Variants in VDAC1 observed in about 807,000 individuals in gnomAD.
VDAC1 encodes the protein voltage dependent anion channel 1.
Under a neutral mutation model 34.7 loss-of-function variants are expected in VDAC1, and 10 were observed. The observed-to-expected ratio is 0.29, with a 90% CI of 0.18 to 0.49. The LOEUF (loss-of-function observed/expected upper bound fraction) is 0.49, where lower values mean the gene tolerates loss of function less well. Among genes scored for constraint, VDAC1 ranks in the 20% least tolerant of loss-of-function variants. The pLI, the probability that VDAC1 is intolerant of heterozygous loss-of-function variation, is 0.99. For missense variants in VDAC1, 230 were observed against 347.9 expected (o/e 0.66, Z 2.69); for synonymous variants, 130 against 136.0 (o/e 0.96, Z 0.30).
chr5:133,987,551 G>A (rs551862713), intron 5 of VDAC1, among the ~76,000 whole-genome samples: 48 of 151,534 alleles, frequency 3.2e-4, no homozygotes, highest in African/African-American at 1.1e-3. Flanking sequence ...GGTGGCACAC[G>A]CCTGTGGTCC....
chr5:134,103,276 C>A, the VDAC1 span, among the ~76,000 whole-genome samples: 1 of 152,146 alleles, frequency 6.6e-6, no homozygotes, highest in Non-Finnish European at 1.5e-5. Context: ...CATGTACCAT[C>A]ACACCTGGCT....
chr5:134,108,243 C>A, the VDAC1 span, among the ~76,000 whole-genome samples: 1 of 152,000 alleles, frequency 6.6e-6, no homozygotes, highest in Non-Finnish European at 1.5e-5. Context: ...TCCCAACCCC[C>A]ACCCTGGGAG....
the VDAC1 span, among the ~76,000 whole-genome samples, chr5:134,010,414 A>G: frequency 1.3e-5 from 2 of 152,118 alleles, no homozygotes; most frequent in Admixed American, 6.5e-5. Flanking sequence ...CCTGGTCAAC[A>G]TGATGAAACC....
At chr5:134,044,153 C>A in the VDAC1 span, among the ~76,000 whole-genome samples, 1 of 152,144 alleles carries the variant, frequency 6.6e-6, no homozygotes, top group Admixed American at 6.5e-5. Context: ...GAGTTTACAC[C>A]CCCTCATTTC....
At chr5:134,014,080 A>C in the VDAC1 span, among the ~76,000 whole-genome samples, 11 of 152,156 alleles carry the variant, frequency 7.2e-5, no homozygotes, top group African/African-American at 2.4e-5. Context: ...ACCTGAGGTC[A>C]GGAGTTTGAG....
chr5:134,001,951 A>G (rs941251528), intron 1 of VDAC1, among the ~76,000 whole-genome samples: 4 of 152,058 alleles, frequency 2.6e-5, no homozygotes, highest in African/African-American at 4.8e-5. Flanking sequence ...CCACTGGTCA[A>G]CTTTTCTCAG....
the VDAC1 span, among the ~76,000 whole-genome samples, chr5:134,102,022 C>A: frequency 1.3e-5 from 2 of 152,366 alleles, no homozygotes; most frequent in African/African-American, 4.8e-5. Flanking sequence ...GACTGCATGC[C>A]CATCCTCCAC....
the VDAC1 span, among the ~76,000 whole-genome samples, chr5:134,075,633 G>A: frequency 3.3e-5 from 5 of 152,232 alleles, no homozygotes; most frequent in Admixed American, 1.3e-4. Flanking sequence ...GCCCAGGCTC[G>A]AGTGCAGTGG....
chr5:134,065,045 T>C, the VDAC1 span, among the ~76,000 whole-genome samples: 128 of 152,254 alleles, frequency 8.4e-4, no homozygotes, highest in African/African-American at 3.0e-3. Flanking sequence ...ATTTCCTTTT[T>C]TACTACTTTC....
the VDAC1 span, among the ~76,000 whole-genome samples, chr5:134,098,060 G>T: frequency 7.3e-5 from 11 of 151,600 alleles, no homozygotes; most frequent in Non-Finnish European, 1.3e-4. Context: ...AGTAGAGAAC[G>T]GGGTTTGACC....
At chr5:134,086,526 G>C in the VDAC1 span, among the ~76,000 whole-genome samples, 1 of 152,222 alleles carries the variant, frequency 6.6e-6, no homozygotes, top group South Asian at 2.1e-4. Flanking sequence ...AAGGAAAACA[G>C]ATGGGCATGA....
chr5:134,024,326 G>C, the VDAC1 span, among the ~76,000 whole-genome samples: 1 of 151,950 alleles, frequency 6.6e-6, no homozygotes, highest in African/African-American at 2.4e-5. Flanking sequence ...TCAGGAGTTT[G>C]AGAGCAGCCT....
the VDAC1 span, among the ~76,000 whole-genome samples, chr5:134,010,379 C>G: frequency 6.6e-6 from 1 of 152,202 alleles, no homozygotes; most frequent in East Asian, 1.9e-4. Flanking sequence ...GGGCAGATCA[C>G]CTGAGATCAG....
intron 1 of VDAC1, among the ~76,000 whole-genome samples, chr5:134,002,422 A>T (rs1753592639): frequency 6.6e-6 from 1 of 152,094 alleles, no homozygotes; most frequent in Non-Finnish European, 1.5e-5. Flanking sequence ...CCATCCACCC[A>T]CCATGAGGGA....
the VDAC1 span, among the ~76,000 whole-genome samples, chr5:134,030,599 TC>T: frequency 6.9e-5 from 2 of 29,084 alleles, no homozygotes; most frequent in East Asian, 9.3e-4. Context: ...TTTCTTTCTT[TC>T]TTTCTTTTTT....
intron 1 of VDAC1, among the ~76,000 whole-genome samples, chr5:133,998,333 G>A (rs545488797): frequency 6.6e-6 from 1 of 152,046 alleles, no homozygotes; most frequent in Non-Finnish European, 1.5e-5. Context: ...CATTATTTAA[G>A]CTGTTTGTGT....
intron 6 of VDAC1, among the ~76,000 whole-genome samples, chr5:133,977,084 A>G (rs1412112650): frequency 6.6e-6 from 1 of 152,212 alleles, no homozygotes; most frequent in African/African-American, 2.4e-5. Flanking sequence ...TGGAAAGAGA[A>G]GAAAATGAGA....
the VDAC1 span, among the ~76,000 whole-genome samples, chr5:134,072,559 T>C: frequency 6.6e-6 from 1 of 152,210 alleles, no homozygotes; most frequent in Non-Finnish European, 1.5e-5. Context: ...AGGAGTTCTG[T>C]GAACTGCAGG....
the VDAC1 span, among the ~76,000 whole-genome samples, chr5:134,080,632 T>C: frequency 1.3e-5 from 2 of 151,968 alleles, no homozygotes; most frequent in African/African-American, 2.4e-5. Context: ...ACCAACAACA[T>C]GAGTTGACAT....
Sources: gnomAD v4.1 joint callset for allele counts (sites outside exome capture counted in the v4.1 genomes callset) on GRCh38, gnomAD v4.1.1 for gene constraint, MANE v1.5 for transcripts, NCBI Gene and HGNC (gene_info 2026-07-23, HGNC 2026-07-21) for gene names.